Variants in PPP3CA observed in about 807,000 individuals in gnomAD.
PPP3CA encodes protein phosphatase 3 catalytic subunit alpha.
Under a neutral mutation model 66.5 loss-of-function variants are expected in PPP3CA, and 14 were observed. That is an observed-to-expected ratio of 0.21 (90% CI 0.14 to 0.33). The LOEUF (loss-of-function observed/expected upper bound fraction) is 0.33. PPP3CA is among the 10% of genes least tolerant of loss of function. PPP3CA has a pLI of 1.00. For missense variants in PPP3CA, 317 were observed against 639.5 expected, an observed-to-expected ratio of 0.50 and a Z score of 5.44; for synonymous variants, 232 against 226.2, an observed-to-expected ratio of 1.03 and a Z score of -0.23.
At chr4:101,085,818 GA>G (rs1729641269) in intron 6 of PPP3CA, among the ~76,000 whole-genome samples, 1 of 150,414 alleles carries the variant, frequency 6.6e-6, no homozygotes, top group Admixed American at 6.7e-5. Flanking sequence ...TGTTCAAGCT[GA>G]AAAGCACTGC....
chr4:101,115,350 A>ACAT (rs1399336819), intron 2 of PPP3CA, among the ~76,000 whole-genome samples: 1 of 151,988 alleles, frequency 6.6e-6, no homozygotes, highest in East Asian at 1.9e-4. Flanking sequence ...CATGACCAGA[A>ACAT]CCAAGCATTT....
chr4:101,151,380 T>C (rs1431353829), intron 2 of PPP3CA, among the ~76,000 whole-genome samples: 5 of 151,860 alleles, frequency 3.3e-5, no homozygotes, highest in African/African-American at 1.2e-4. Context: ...GCCAAGATGG[T>C]GAAACACCGT....
At chr4:101,082,158 G>C (rs1729469537) in intron 7 of PPP3CA, among the ~76,000 whole-genome samples, 1 of 152,194 alleles carries the variant, frequency 6.6e-6, no homozygotes, top group Non-Finnish European at 1.5e-5. Flanking sequence ...GCCTTGACAA[G>C]TGAGAACAAT....
At chr4:101,067,188 A>G (rs2110229317) in intron 8 of PPP3CA, among the ~76,000 whole-genome samples, 1 of 152,298 alleles carries the variant, frequency 6.6e-6, no homozygotes, top group East Asian at 1.9e-4. Context: ...TACTAATCCC[A>G]CGAATCTGGA....
At chr4:101,117,412 G>T (rs1222745824) in intron 2 of PPP3CA, among the ~76,000 whole-genome samples, 2 of 147,268 alleles carry the variant, frequency 1.4e-5, no homozygotes, top group Non-Finnish European at 3.0e-5. Context: ...TTATGTTTTT[G>T]TCCTAAAGAT....
intron 2 of PPP3CA, among the ~76,000 whole-genome samples, chr4:101,124,691 AAG>A (rs1434478040): frequency 5.3e-5 from 5 of 94,050 alleles, no homozygotes; most frequent in African/African-American, 9.5e-5. Flanking sequence ...GAAAGAAAGA[AAG>A]AAAGAAAGAA....
At chr4:101,122,426 G>A (rs979653435) in intron 2 of PPP3CA, among the ~76,000 whole-genome samples, 5 of 152,152 alleles carry the variant, frequency 3.3e-5, no homozygotes, top group Admixed American at 2.6e-4. Flanking sequence ...GTGCATATGT[G>A]CACACGTACT....
intron 1 of PPP3CA, among the ~76,000 whole-genome samples, chr4:101,341,794 GA>G (rs909163837): frequency 1.3e-5 from 2 of 151,998 alleles, no homozygotes; most frequent in Non-Finnish European, 2.9e-5. Flanking sequence ...AAAGTTGCTG[GA>G]AAAAAATTGA....
chr4:101,124,042 A>G (rs1464129877), intron 2 of PPP3CA, among the ~76,000 whole-genome samples: 1 of 152,214 alleles, frequency 6.6e-6, no homozygotes, highest in Non-Finnish European at 1.5e-5. Context: ...GATTAGAACT[A>G]TCCCCTTAAT....
intron 1 of PPP3CA, among the ~76,000 whole-genome samples, chr4:101,257,457 C>T (rs964690031): frequency 6.6e-6 from 1 of 151,292 alleles, no homozygotes; most frequent in African/African-American, 2.4e-5. Context: ...TGTTTATAGG[C>T]TGTGTTAACC....
At chr4:101,093,747 G>A in intron 6 of PPP3CA, 29 bp downstream of exon 6, 1 of 1,568,926 alleles carries the variant, frequency 6.4e-7, no homozygotes, top group South Asian at 1.2e-5. Context: ...ATGCAAACGT[G>A]TTCCAGAGAG....
At chr4:101,257,800 A>G (rs1726892344) in intron 1 of PPP3CA, among the ~76,000 whole-genome samples, 1 of 152,118 alleles carries the variant, frequency 6.6e-6, no homozygotes, top group African/African-American at 2.4e-5. Context: ...TGTATTTAGG[A>G]TATACTCAGG....
chr4:101,192,014 C>A (rs1265931964), intron 2 of PPP3CA, among the ~76,000 whole-genome samples: 1 of 152,122 alleles, frequency 6.6e-6, no homozygotes, highest in Non-Finnish European at 1.5e-5. Flanking sequence ...TCATTCTATT[C>A]AAAAAACCTA....
At chr4:101,327,848 A>G (rs570866303) in intron 1 of PPP3CA, among the ~76,000 whole-genome samples, 188 of 152,208 alleles carry the variant, frequency 1.2e-3, no homozygotes, top group Non-Finnish European at 2.1e-3. Context: ...TATTAACAAA[A>G]TGAGAACTGT....
chr4:101,209,751 A>G (rs1438365254), intron 1 of PPP3CA, among the ~76,000 whole-genome samples: 1 of 152,162 alleles, frequency 6.6e-6, no homozygotes, highest in Non-Finnish European at 1.5e-5. Context: ...AAAAGAAGAA[A>G]AATATAGAAA....
intron 2 of PPP3CA, among the ~76,000 whole-genome samples, chr4:101,179,442 T>C (rs1255939555): frequency 6.6e-6 from 1 of 152,144 alleles, no homozygotes; most frequent in Non-Finnish European, 1.5e-5. Context: ...CTCAATTTGG[T>C]GATTCATCAA....
intron 1 of PPP3CA, among the ~76,000 whole-genome samples, chr4:101,291,036 T>C (rs1001002584): frequency 6.6e-6 from 1 of 152,160 alleles, no homozygotes; most frequent in East Asian, 1.9e-4. Context: ...GAAAGCACAA[T>C]GTAGGAAAAG....
At chr4:101,242,833 C>A (rs1205633990) in intron 1 of PPP3CA, among the ~76,000 whole-genome samples, 3 of 152,080 alleles carry the variant, frequency 2.0e-5, no homozygotes, top group Non-Finnish European at 4.4e-5. Flanking sequence ...GAGGCTGGGG[C>A]AGGAGGATCA....
At chr4:101,084,923 C>T (rs751992357) in intron 6 of PPP3CA, among the ~76,000 whole-genome samples, 1 of 152,138 alleles carries the variant, frequency 6.6e-6, no homozygotes, top group Non-Finnish European at 1.5e-5. Flanking sequence ...TGGAAACATG[C>T]CCATCTGGTA....
Sources: gnomAD v4.1 joint callset for allele counts (sites outside exome capture counted in the v4.1 genomes callset) on GRCh38, gnomAD v4.1.1 for gene constraint, MANE v1.5 for transcripts, NCBI Gene and HGNC (gene_info 2026-07-23, HGNC 2026-07-21) for gene names.